NUP153: variants seen among roughly 807,000 people sequenced by gnomAD.
NUP153 encodes the protein nucleoporin 153.
Under a neutral mutation model 134.6 loss-of-function variants are expected in NUP153, and 27 were observed. The observed-to-expected ratio is 0.20, with a 90% confidence interval of 0.15 to 0.28. The LOEUF is 0.28. Among genes scored for constraint, NUP153 ranks in the 10% least tolerant of loss-of-function variants. The pLI is 1.00. For synonymous variants in NUP153, 640 were observed against 623.5 expected (o/e 1.03, Z -0.40); for missense variants, 1,821 against 1,731.3 (o/e 1.05, Z -0.92).
At chr6:17,649,132 T>G (rs2113799446) in intron 12 of NUP153, 31 bp downstream of exon 12, 1 of 1,560,392 alleles carries the variant, frequency 6.4e-7, no homozygotes, top group Middle Eastern at 1.7e-4. Context: ...AAAGAACAAA[T>G]GTCACCTGTA....
chr6:17,669,163 C>A (rs1051306091), intron 7 of NUP153, 130 bp downstream of exon 7: 71 of 1,025,524 alleles, frequency 6.9e-5, no homozygotes, highest in Middle Eastern at 6.3e-4. Context: ...ACTGCAACCT[C>A]TGCCTCCCAA....
rs182888514 is a variant in NUP153 at position 17,628,909 on chromosome 6, A to G, written c.3290T>C (p.Val1097Ala). 5.8e-5 allele frequency: 93 copies of G among 1,614,152 alleles called. No individual in the cohort carries two copies. The highest frequency in any genetic ancestry group is 7.4e-5 in the Non-Finnish European group (87 of 1,180,006). Residue 1097 changes from valine to alanine, a missense_variant, in exon 18 of 22, where the codon GTG becomes GCG. By Grantham distance (64) the Val-to-Ala change is moderately conservative (BLOSUM62 0). Transcript: ENST00000262077. This position sits in a 1 kb window ranked among gnomAD's most constrained non-coding sequence, Gnocchi z 5.4. ...CTCTTCTGTCCTTCCCAAAACAAAC[A>G]CTGAGGCAGATGGCAGAGAGGCAGG... ...VEPASLPSAS[V>A]FVLGRTEEKQ...
intron 8 of NUP153, among the ~76,000 whole-genome samples, chr6:17,667,702 C>A (rs1053925120): frequency 1.3e-5 from 2 of 151,954 alleles, no homozygotes; most frequent in African/African-American, 2.4e-5. Flanking sequence ...GGTGACAGAG[C>A]GAGACGCTGC....
intron 11 of NUP153, among the ~76,000 whole-genome samples, chr6:17,650,410 T>C (rs1233769067): frequency 6.6e-6 from 1 of 152,174 alleles, no homozygotes; most frequent in Non-Finnish European, 1.5e-5. Flanking sequence ...GAATCTCTGG[T>C]GGACCTGTAA....
At chr6:17,689,878 C>T (rs1232311254) in intron 1 of NUP153, among the ~76,000 whole-genome samples, 1 of 151,984 alleles carries the variant, frequency 6.6e-6, no homozygotes, top group Admixed American at 6.6e-5. Flanking sequence ...TAATAGCTTT[C>T]ACTATTATTT....
rs577469080 is a variant in NUP153, at chr6:17,667,642, A to G, written c.1068+1333T>C. Among the ~76,000 whole-genome samples, 3 of 152,298 alleles carry G rather than the reference A, an allele frequency of 2.0e-5. No individual in the cohort carries two copies. The South Asian group carries it at 6.2e-4, about 32-fold the overall frequency. On this transcript the variant is annotated intron_variant, in intron 8 of 21. Coordinates refer to ENST00000262077, the MANE Select transcript of NUP153 (RefSeq NM_005124.4). Reference sequence around the variant, plus strand: ...GGCAGGAGAATTGCTTGAGCCCTGGAGGTGGAGGTTGCAGTGAGCTGCGAC... The same window carrying G: ...GGCAGGAGAATTGCTTGAGCCCTGGGGGTGGAGGTTGCAGTGAGCTGCGAC...
intron 11 of NUP153, chr6:17,651,869 T>C (rs1766509481): frequency 1.5e-6 from 1 of 676,336 alleles, no homozygotes; most frequent in Non-Finnish European, 2.7e-6. Flanking sequence ...CAAGATGGGA[T>C]GATCGCTTGA....
chr6:17,637,613 T>C lies in NUP153; in HGVS notation c.2004A>G (p.Leu668=). 6.2e-7 allele frequency: 1 copy of C among 1,614,088 alleles called. No individual in the cohort carries two copies. Residue 668 remains leucine (L), a synonymous_variant, in exon 16 of 22, where the codon CTA becomes CTG. Transcript: ENST00000262077. ...AGSSWQCDTC[L]LQNKVTDNKC... ...TGTTGTCTGTAACTTTGTTCTGGAG[T>C]AGACATGTATCACACTGCCATGATG...
rs148791647 is a variant in NUP153 at position 17,685,940 on chromosome 6, T to C, written c.334+2456A>G. ...AGGCAGGAGGCTCACTTGAGGCCAGTTGAAGCCCAGCCTAAGCAACAGAGT... is the reference window on the plus strand; with the variant it reads ...AGGCAGGAGGCTCACTTGAGGCCAGCTGAAGCCCAGCCTAAGCAACAGAGT... On this transcript the variant is annotated intron_variant, in intron 2 of 21. Transcript: ENST00000262077. 6.3e-4 allele frequency among the ~76,000 whole-genome samples: 96 copies of C among 152,082 alleles called. 1 individual carries two copies. The highest frequency in any genetic ancestry group is 2.1e-3 in the African/African-American group (86 of 41,484).
chr6:17,696,551 C>A (rs964665561), intron 1 of NUP153, among the ~76,000 whole-genome samples: 2 of 151,960 alleles, frequency 1.3e-5, no homozygotes, highest in African/African-American at 2.4e-5. Flanking sequence ...GTCAGGAGAT[C>A]GAGACCATCC....
chr6:17,652,306 T>A (rs1479704457), intron 11 of NUP153, among the ~76,000 whole-genome samples: 3 of 152,124 alleles, frequency 2.0e-5, no homozygotes, highest in Non-Finnish European at 4.4e-5. Flanking sequence ...TCTCAATACA[T>A]TTCAAAACAC....
chr6:17,649,082 C>T (rs1180382706), intron 12 of NUP153, 81 bp downstream of exon 12: 52 of 1,233,736 alleles, frequency 4.2e-5, no homozygotes, highest in Non-Finnish European at 5.3e-5. Context: ...AAATTAAACA[C>T]TGTTTATAAT....
chr6:17,617,675 T>C (rs1400363002), intron 20 of NUP153, among the ~76,000 whole-genome samples: 1 of 151,806 alleles, frequency 6.6e-6, no homozygotes, highest in Non-Finnish European at 1.5e-5. Flanking sequence ...AGATCCTATC[T>C]CTATAAAAAA....
At position 17,669,007 on chromosome 6, in the gene NUP153, C is replaced by T. The variant is rs746154856; in HGVS notation, c.1036G>A (p.Asp346Asn). ...CTTTTGGCCTGAAAATCTGTGATAT[C>T]TATCCCACTCCTATCAAGAGGCTGA... Reference protein sequence around the residue: ...LNSPLDRSGIDITDFQAKREK... With the variant: ...LNSPLDRSGINITDFQAKREK... Residue 346 changes from aspartate to asparagine, a missense_variant, in exon 8 of 22, where the codon GAT becomes AAT. By Grantham distance (23) the Asp-to-Asn change is conservative. Transcript: ENST00000262077. 50 of 1,517,684 alleles carry T rather than the reference C, an allele frequency of 3.3e-5. No homozygotes were observed. The highest frequency in any genetic ancestry group is 4.3e-5 in the Non-Finnish European group (49 of 1,137,978). 94.0% of individuals were successfully genotyped at this position (1,517,684 alleles called of 1,614,324 possible).
At chr6:17,622,281 C>G (rs1764681430) in intron 20 of NUP153, among the ~76,000 whole-genome samples, 1 of 152,234 alleles carries the variant, frequency 6.6e-6, no homozygotes, top group South Asian at 2.1e-4. Context: ...AAAACCCTGT[C>G]TCTACAAACC....
intron 11 of NUP153, among the ~76,000 whole-genome samples, chr6:17,654,923 C>T (rs946761235): frequency 1.3e-5 from 2 of 152,090 alleles, no homozygotes; most frequent in African/African-American, 2.4e-5. Context: ...GACATGAACA[C>T]AATATTTATT....
chr6:17,688,350 G>A, intron 2 of NUP153, 46 bp downstream of exon 2: 1 of 1,435,792 alleles, frequency 7.0e-7, no homozygotes. Context: ...CAAAATTAGG[G>A]CATGAAAACC....
rs878895251 is a variant in NUP153, at chr6:17,616,283, G to C, written c.4344-102C>G. ...AGCACAAGGGTAAGGGGGGTCGGGT[G>C]GGGGGGGAGTAGACTCACATTGGTA... On this transcript the variant is annotated intron_variant, in intron 21 of 21. Coordinates refer to ENST00000262077, the MANE Select transcript of NUP153 (RefSeq NM_005124.4). 46 of 430,126 alleles carry C rather than the reference G, an allele frequency of 1.1e-4. 1 individual carries two copies. Among genetic ancestry groups the C allele is most frequent in the Admixed American group, 9.3e-4 (19 of 20,354 alleles). The allele number at this position is 430,126 out of a possible 1,614,324, so 26.6% of individuals were successfully genotyped here.
At chr6:17,616,403 G>T in intron 21 of NUP153, 124 bp downstream of exon 21, 1 of 910,268 alleles carries the variant, frequency 1.1e-6, no homozygotes, top group Non-Finnish European at 1.6e-6. Context: ...GTAAATTTAT[G>T]TTGGAGAACA....
Sources: gnomAD v4.1 joint callset for allele counts (sites outside exome capture counted in the v4.1 genomes callset) on GRCh38, gnomAD v4.1.1 for gene constraint, Gnocchi (gnomAD v3.1) non-coding constraint, MANE v1.5 for transcripts, NCBI Gene and HGNC (gene_info 2026-07-23, HGNC 2026-07-21) for gene names.